SNTG2: variants seen among roughly 807,000 people sequenced by gnomAD.
The protein encoded by SNTG2 is gamma-2-syntrophin.
Under a neutral mutation model 70.9 loss-of-function variants are expected in SNTG2, and 74 were observed. The ratio of observed to expected loss-of-function variants is 1.04; its 90% CI spans 0.86 to 1.27. The LOEUF is 1.27. SNTG2 is among the 50% of genes most tolerant of loss of function. The pLI, the probability that SNTG2 is intolerant of heterozygous loss-of-function variation, is 0.00. For missense variants in SNTG2, 717 were observed against 690.7 expected (o/e 1.04, Z -0.43); for synonymous variants, 278 against 273.8 (o/e 1.02, Z -0.15).
intron 12 of SNTG2, among the ~76,000 whole-genome samples, chr2:1,251,757 CACT>C (rs1677786674): frequency 6.6e-6 from 1 of 150,488 alleles, no homozygotes; most frequent in South Asian, 2.1e-4. Flanking sequence ...ACCACACACA[CACT>C]ACACGCACAC....
chr2:1,240,792 C>A (rs568960190), intron 11 of SNTG2, among the ~76,000 whole-genome samples: 24 of 152,252 alleles, frequency 1.6e-4, no homozygotes, highest in African/African-American at 5.8e-4. Flanking sequence ...ATAAATGGTT[C>A]TTCTAACTTT....
chr2:1,283,683 A>T (rs11211640), intron 14 of SNTG2, among the ~76,000 whole-genome samples: 3,587 of 151,998 alleles, frequency 0.024, 135 homozygotes, highest in African/African-American at 0.082. Flanking sequence ...TGTGTCTTCC[A>T]CAGTTCTCTG....
At chr2:1,159,439 A>G (rs1289108776) in intron 6 of SNTG2, 1 of 152,188 alleles carries the variant, frequency 6.6e-6, no homozygotes, top group Non-Finnish European at 1.5e-5. Flanking sequence ...AAAATGACAA[A>G]TGCTTTTAAA....
rs187070938 is a variant in SNTG2 at position 1,223,792 on chromosome 2, G to A, written c.720-14096G>A. Among the ~76,000 whole-genome samples the A allele has an allele frequency of 2.1e-3, 324 of 152,308 alleles. 2 individuals are homozygous for A. Among genetic ancestry groups the A allele is most frequent in the Non-Finnish European group, 3.7e-3 (252 of 68,030 alleles). ...ACACTAACCTGGCTCTGAAGACCTC[G>A]TTTTAGTCAGTGTGGGCTGCCATAG... On this transcript the variant is annotated intron_variant, in intron 9 of 16. Transcript: ENST00000308624.
chr2:976,355 C>A (rs1227999711), intron 1 of SNTG2, among the ~76,000 whole-genome samples: 1 of 152,116 alleles, frequency 6.6e-6, no homozygotes, highest in Non-Finnish European at 1.5e-5. Flanking sequence ...TGTGACATAT[C>A]GATGTTGTGA....
At chr2:972,097 A>G (rs1261959332) in intron 1 of SNTG2, among the ~76,000 whole-genome samples, 1 of 152,116 alleles carries the variant, frequency 6.6e-6, no homozygotes, top group African/African-American at 2.4e-5. Flanking sequence ...TGTGCAGATG[A>G]GAATAATGTA....
intron 9 of SNTG2, among the ~76,000 whole-genome samples, chr2:1,224,806 T>G (rs1186690507): frequency 6.6e-5 from 10 of 152,322 alleles, no homozygotes. Flanking sequence ...ACTCTATGGC[T>G]CATTTCAGAC....
chr2:1,090,018 T>A (rs1037612484), intron 2 of SNTG2, among the ~76,000 whole-genome samples: 2 of 152,238 alleles, frequency 1.3e-5, no homozygotes, highest in Non-Finnish European at 2.9e-5. Flanking sequence ...TTTACATTTT[T>A]AAATTCTTCC....
In SNTG2 at chr2:1,081,865, G is replaced by A. The variant is rs1368308350; in HGVS notation, c.73-1653G>A. 2.6e-5 allele frequency among the ~76,000 whole-genome samples: 4 copies of A among 152,388 alleles called. No individual in the cohort carries two copies. In the East Asian group the frequency reaches 5.8e-4, roughly 22 times the overall value. On this transcript the variant is annotated intron_variant, in intron 1 of 16. Coordinates refer to ENST00000308624, the MANE Select transcript of SNTG2 (RefSeq NM_018968.4). ...CAGTTTTACTTATGCTGGGTGAGGT[G>A]TGGATTGCAGTGGCCGGTCCCTGGG...
At chr2:973,472 C>T (rs907537143) in intron 1 of SNTG2, among the ~76,000 whole-genome samples, 5 of 148,906 alleles carry the variant, frequency 3.4e-5, no homozygotes, top group East Asian at 1.9e-4. Context: ...GAGGGACGGG[C>T]GTATTAACCT....
chr2:970,285 T>A (rs539470219), intron 1 of SNTG2, among the ~76,000 whole-genome samples: 1 of 152,230 alleles, frequency 6.6e-6, no homozygotes, highest in Admixed American at 6.5e-5. Context: ...TTTTTTTTAA[T>A]TATTTAAGTT....
chr2:1,086,367 T>A (rs911845482), intron 2 of SNTG2, among the ~76,000 whole-genome samples: 1 of 152,158 alleles, frequency 6.6e-6, no homozygotes, highest in Non-Finnish European at 1.5e-5. Flanking sequence ...AAAAGTCAGA[T>A]CTTCTGTGAG....
chr2:975,554 T>G (rs1660883679), intron 1 of SNTG2, among the ~76,000 whole-genome samples: 1 of 152,188 alleles, frequency 6.6e-6, no homozygotes, highest in Non-Finnish European at 1.5e-5. Flanking sequence ...AAAGATTAAT[T>G]AAGGAATAAG....
chr2:980,527 G>C (rs138061282), intron 1 of SNTG2, among the ~76,000 whole-genome samples: 9 of 152,262 alleles, frequency 5.9e-5, no homozygotes, highest in Non-Finnish European at 1.3e-4. Flanking sequence ...AAATTTAAGA[G>C]ACAGTGAACT....
At position 1,054,121 on chromosome 2, in the gene SNTG2, G is replaced by A. The variant is rs78111228; in HGVS notation, c.73-29397G>A. 1.8e-3 allele frequency among the ~76,000 whole-genome samples: 280 copies of A among 152,276 alleles called. 5 individuals carry two copies. The East Asian group carries it at 0.048, about 26-fold the overall frequency. ...CTGCACATGTCTGCTGGGGCACTGC[G>A]GACCCGTGTCATTGCCACCCTGATT... On this transcript the variant is annotated intron_variant, in intron 1 of 16. Transcript: ENST00000308624.
At chr2:1,168,815 G>A (rs1391254854) in intron 7 of SNTG2, among the ~76,000 whole-genome samples, 2 of 152,200 alleles carry the variant, frequency 1.3e-5, no homozygotes, top group African/African-American at 4.8e-5. Context: ...GAGGGTTCTT[G>A]AGGAAAAAGA....
chr2:1,028,296 A>G (rs1373310061), intron 1 of SNTG2, among the ~76,000 whole-genome samples: 20 of 149,674 alleles, frequency 1.3e-4, no homozygotes, highest in African/African-American at 4.4e-4. Flanking sequence ...TGTTGAGTAA[A>G]GAGATAAGCA....
intron 8 of SNTG2, among the ~76,000 whole-genome samples, chr2:1,204,320 T>C (rs917074946): frequency 3.9e-5 from 6 of 152,134 alleles, no homozygotes; most frequent in African/African-American, 1.4e-4. Context: ...TACAGTTCAG[T>C]TACAAACAAA....
chr2:1,316,339 G>C lies in SNTG2; in HGVS notation c.1452G>C (p.Leu484=). Residue 484 remains leucine, a synonymous_variant, in exon 16 of 17, where the codon CTG becomes CTC. Coordinates refer to ENST00000308624, the MANE Select transcript of SNTG2 (RefSeq NM_018968.4). ...ATGGGAAAACTCGAGTAAAGCTGCT[G>C]TTTCAGAATCTGGACACCAAACAGA... is the stretch of plus-strand genomic sequence containing the variant. ...SDDGKTRVKL[L]FQNLDTKQIE... 1 of 1,550,098 alleles carries C rather than the reference G, an allele frequency of 6.5e-7. No homozygotes were observed. The highest frequency in any genetic ancestry group is 8.7e-7 in the Non-Finnish European group (1 of 1,145,812).
Sources: allele counts gnomAD v4.1 joint callset (sites outside exome capture counted in the v4.1 genomes callset), GRCh38; gene constraint gnomAD v4.1.1; transcripts MANE v1.5; gene names NCBI Gene and HGNC (gene_info 2026-07-23, HGNC 2026-07-21).